Variants in SH2B3 observed in about 807,000 individuals in gnomAD.
SH2B3 encodes the protein SH2B adaptor protein 3.
Under a neutral mutation model 51.9 loss-of-function variants are expected in SH2B3, and 43 were observed. That is an observed-to-expected ratio of 0.83 (90% CI 0.65 to 1.07). The LOEUF (loss-of-function observed/expected upper bound fraction) is 1.07, where lower values mean the gene tolerates loss of function less well. Ranked by LOEUF, SH2B3 falls within the 50% of genes least tolerant of loss-of-function variation. SH2B3 has a pLI of 0.00. For synonymous variants in SH2B3, 396 were observed against 376.0 expected (o/e 1.05, Z -0.62); for missense variants, 952 against 834.3 (o/e 1.14, Z -1.74).
chr12:111,433,332 C>T (rs745847082), intron 2 of SH2B3, among the ~76,000 whole-genome samples: 1 of 152,044 alleles, frequency 6.6e-6, no homozygotes, highest in East Asian at 1.9e-4. Flanking sequence ...GCCTGGGAAA[C>T]AGAGAGAGAC....
intron 1 of SH2B3, among the ~76,000 whole-genome samples, chr12:111,416,784 G>A (rs922908304): frequency 4.6e-5 from 7 of 152,164 alleles, no homozygotes; most frequent in African/African-American, 9.7e-5. Context: ...ATGAGCCACC[G>A]CGCGTGGCTG....
Position 111,429,046 on chromosome 12 carries a change from G to GAGA in SH2B3, c.732+10170_732+10171insGAA, listed in dbSNP as rs1340427061. 1.0e-4 allele frequency among the ~76,000 whole-genome samples: 15 copies of GAGA among 146,412 alleles called. No individual in the cohort carries two copies. Among genetic ancestry groups the GAGA allele is most frequent in the Admixed American group, 2.2e-4 (3 of 13,938 alleles). On this transcript the variant is annotated intron_variant, in intron 2 of 7. Coordinates refer to ENST00000341259, the MANE Select transcript of SH2B3 (RefSeq NM_005475.3). This position sits in a 1 kb window ranked among gnomAD's most constrained non-coding sequence, Gnocchi z 4.4. ...GGAGGAGGAGGAGGAGGAGGAGGAG[G>GAGA]AAGAGGAGGAGGAGGAGGAGGAGGG...
In SH2B3 at chr12:111,418,132, C is replaced by T; in HGVS notation, c.-14C>T. 1.3e-6 allele frequency: 2 copies of T among 1,488,894 alleles called. No homozygotes were observed. Among genetic ancestry groups the T allele is most frequent in the Non-Finnish European group, 1.8e-6 (2 of 1,132,644 alleles). The allele number at this position is 1,488,894 out of a possible 1,614,324, so 92.2% of individuals were successfully genotyped here. ...CGTGTCTTTCAGCCCGGCCGCACCA[C>T]CTGGGTCTCCGCCATGAACGGGCCT... On this transcript the variant is annotated 5_prime_UTR_variant, in exon 2 of 8. Coordinates refer to ENST00000341259, the MANE Select transcript of SH2B3 (RefSeq NM_005475.3). This position sits in a 1 kb window ranked among gnomAD's most constrained non-coding sequence, Gnocchi z 6.7.
rs1871297996 is a variant in SH2B3, at chr12:111,418,703, C to T, written c.558C>T (p.Ser186=). The change falls in exon 2 of 8, where the codon AGC becomes AGT. Residue 186 remains serine (S), a synonymous_variant. Transcript: ENST00000341259. This position sits in a 1 kb window ranked among gnomAD's most constrained non-coding sequence, Gnocchi z 6.7. The stretch of plus-strand genomic sequence containing the variant: ...TGGCCAAGAAGTTCCTGCCCTGGAG[C>T]CTGGCCCGGGAGCCGCCACCCGAGG... ...PGLAKKFLPW[S]LAREPPPEAL... 3.4e-6 allele frequency: 5 copies of T among 1,486,672 alleles called. No homozygotes were observed. The highest frequency in any genetic ancestry group is 4.4e-6 in the Non-Finnish European group (5 of 1,125,992). The allele number at this position is 1,486,672 out of a possible 1,614,324, so 92.1% of individuals were successfully genotyped here.
chr12:111,440,634 T>G (rs900833465), intron 2 of SH2B3, among the ~76,000 whole-genome samples: 1 of 152,240 alleles, frequency 6.6e-6, no homozygotes, highest in Non-Finnish European at 1.5e-5. Flanking sequence ...TTCTGCCCTC[T>G]GGGTGTTGGC....
chr12:111,447,157 C>T lies in SH2B3; in HGVS notation c.959C>T (p.Pro320Leu), dbSNP rs200158288. Residue 320 changes from proline to leucine, a missense_variant, in exon 5 of 8, where the codon CCC becomes CTC. Pro to Leu is a moderately conservative substitution (Grantham distance 98, BLOSUM62 -3). Coordinates refer to ENST00000341259, the MANE Select transcript of SH2B3 (RefSeq NM_005475.3). ...LESTEAEMHIPSALEPSTSSS... is the reference protein window; with the variant it reads ...LESTEAEMHILSALEPSTSSS... ...AGCACAGAAGCAGAGATGCATATTC[C>T]CTCAGCCCTAGAGCCTAGCACGTCC... 6 of 1,614,084 alleles carry T rather than the reference C, an allele frequency of 3.7e-6. No individual in the cohort carries two copies. The highest frequency in any genetic ancestry group is 1.6e-4 in the Middle Eastern group (1 of 6,062).
intron 2 of SH2B3, among the ~76,000 whole-genome samples, chr12:111,424,523 C>G (rs1427114947): frequency 6.6e-6 from 1 of 152,156 alleles, no homozygotes; most frequent in African/African-American, 2.4e-5. Flanking sequence ...ATCAGATTCC[C>G]TAGGGCTTTT....
chr12:111,448,058 A>G lies in SH2B3; in HGVS notation c.1484A>G (p.Glu495Gly). 6.2e-7 allele frequency: 1 copy of G among 1,613,848 alleles called. No homozygotes were observed. Among genetic ancestry groups the G allele is most frequent in the Non-Finnish European group, 8.5e-7 (1 of 1,179,884 alleles). The change falls in exon 8 of 8, where the codon GAG (glutamate) becomes GGG (glycine). Residue 495 changes from glutamate (E) to glycine (G), a missense_variant. Coordinates refer to ENST00000341259, the MANE Select transcript of SH2B3 (RefSeq NM_005475.3). The part of the protein sequence containing the change: ...DSESLPHWGS[E>G]LGLPHLSSSG... The stretch of plus-strand genomic sequence containing the variant: ...GAGTCCCTTCCTCACTGGGGTTCAG[A>G]GTTGGGCCTTCCCCACCTTAGTTCT...
Position 111,418,180 on chromosome 12 carries a change from C to T in SH2B3, c.35C>T (p.Ser12Phe), listed in dbSNP as rs1261307883. Reference protein sequence around the residue: ...NGPALQPSSPSSAPSASPAAA... With the variant: ...NGPALQPSSPFSAPSASPAAA... ...CCTGCCCTGCAGCCCTCCTCGCCCTCTTCCGCGCCCTCAGCCTCCCCGGCG... is the reference window on the plus strand; with the variant it reads ...CCTGCCCTGCAGCCCTCCTCGCCCTTTTCCGCGCCCTCAGCCTCCCCGGCG... Residue 12 changes from serine to phenylalanine, a missense_variant, in exon 2 of 8, where the codon TCT (serine) becomes TTT (phenylalanine). Ser to Phe is a radical substitution (Grantham distance 155, BLOSUM62 -2). Coordinates refer to ENST00000341259, the MANE Select transcript of SH2B3 (RefSeq NM_005475.3). This position sits in a 1 kb window ranked among gnomAD's most constrained non-coding sequence, Gnocchi z 6.7. 2.6e-6 allele frequency: 4 copies of T among 1,561,042 alleles called. No homozygotes were observed. The Admixed American group carries it at 5.6e-5, about 22-fold the overall frequency.
At position 111,446,859 on chromosome 12, in the gene SH2B3, G is replaced by A. The variant is rs1235569519; in HGVS notation, c.834+5G>A. 1.4e-5 allele frequency: 23 copies of A among 1,605,052 alleles called. No homozygotes were observed. Among genetic ancestry groups the A allele is most frequent in the Non-Finnish European group, 1.9e-5 (22 of 1,172,912 alleles). ...CTTTACACCTTTGTGCTGAAGGTGAGTGACAAGGCTTTTCACACCCTGGGG... is the reference window on the plus strand; with the variant it reads ...CTTTACACCTTTGTGCTGAAGGTGAATGACAAGGCTTTTCACACCCTGGGG... On this transcript the variant is annotated splice_donor_5th_base_variant and intron_variant, in intron 3 of 7. Transcript: ENST00000341259.
At position 111,435,253 on chromosome 12, in the gene SH2B3, A is replaced by G. The variant is rs1872770522; in HGVS notation, c.733-11500A>G. Among the ~76,000 whole-genome samples the G allele has an allele frequency of 1.3e-5, 2 of 152,004 alleles. No homozygotes were observed. Among genetic ancestry groups the G allele is most frequent in the African/African-American group, 4.8e-5 (2 of 41,372 alleles). On this transcript the variant is annotated intron_variant, in intron 2 of 7. Transcript: ENST00000341259. This position sits in a 1 kb window ranked among gnomAD's most constrained non-coding sequence, Gnocchi z 4.8. ...GGGATGGGCCGTCGGTGCCCCATTC[A>G]AGCCTGGGGACCTGGCCCCACTGGT...
Position 111,418,664 on chromosome 12 carries a change from C to A in SH2B3, c.519C>A (p.Pro173=). 6.7e-7 allele frequency: 1 copy of A among 1,488,064 alleles called. No homozygotes were observed. The highest frequency in any genetic ancestry group is 8.9e-7 in the Non-Finnish European group (1 of 1,127,876). The allele number at this position is 1,488,064 out of a possible 1,614,324, so 92.2% of individuals were successfully genotyped here. A position where few individuals can be genotyped will look rare whatever the true frequency, so the allele number is the denominator to read the frequency against. ...PGTPGEAAET[P]ARPGLAKKFL... is the part of the protein sequence containing the mutation. ...CCCCCGGAGAGGCTGCTGAGACCCC[C>A]GCCCGGCCTGGCCTGGCCAAGAAGT... The change falls in exon 2 of 8, where the codon CCC becomes CCA. Residue 173 remains proline, a synonymous_variant. Transcript: ENST00000341259. The surrounding 1 kb of genome is among the most constrained non-coding windows in gnomAD (Gnocchi z 6.7).
intron 2 of SH2B3, among the ~76,000 whole-genome samples, chr12:111,440,895 C>T (rs536034719): frequency 8.5e-5 from 13 of 152,218 alleles, no homozygotes; most frequent in African/African-American, 2.7e-4. Flanking sequence ...GTGCTCCTCC[C>T]TGCCTTACCA....
chr12:111,439,444 C>G (rs999678380), intron 2 of SH2B3, among the ~76,000 whole-genome samples: 6 of 152,100 alleles, frequency 3.9e-5, no homozygotes, highest in African/African-American at 1.4e-4. Flanking sequence ...GCCACCGCAC[C>G]TGGCCTAATT....
At position 111,447,046 on chromosome 12, in the gene SH2B3, G is replaced by C; in HGVS notation, c.926+13G>C. On this transcript the variant is annotated intron_variant, in intron 4 of 7. Transcript: ENST00000341259. ...GCACAGGCCGAGGGTGAGGTCCTGG[G>C]CCCTCGTCCCTGGCACCACCTTTGC... 1 of 1,612,392 alleles carries C rather than the reference G, an allele frequency of 6.2e-7. No homozygotes were observed. The highest frequency in any genetic ancestry group is 1.1e-5 in the South Asian group (1 of 91,034).
At position 111,447,719 on chromosome 12, in the gene SH2B3, G is replaced by A. The variant is rs1874160939; in HGVS notation, c.1300G>A (p.Val434Ile). ...TGTGCAGCACCTCCACTTTCCCTCG[G>A]TCGTGGACATGCTCCACCACTTCCA... ...CRVQHLHFPS[V>I]VDMLHHFQRS... Residue 434 changes from valine to isoleucine, a missense_variant, in exon 7 of 8, where the codon GTC (valine) becomes ATC (isoleucine). By Grantham distance (29) the Val-to-Ile change is conservative (BLOSUM62 3). Transcript: ENST00000341259. 5.0e-6 allele frequency: 8 copies of A among 1,613,970 alleles called. No individual in the cohort carries two copies. The highest frequency in any genetic ancestry group is 5.1e-6 in the Non-Finnish European group (6 of 1,179,986).
In SH2B3 at chr12:111,418,170, T is replaced by G. The variant is rs1223479715; in HGVS notation, c.25T>G (p.Ser9Ala). Residue 9 changes from serine to alanine, a missense_variant, in exon 2 of 8, where the codon TCC becomes GCC. Ser to Ala is a moderately conservative substitution (Grantham distance 99). Coordinates refer to ENST00000341259, the MANE Select transcript of SH2B3 (RefSeq NM_005475.3). This position sits in a 1 kb window ranked among gnomAD's most constrained non-coding sequence, Gnocchi z 6.7. Reference sequence around the variant, plus strand: ...CATGAACGGGCCTGCCCTGCAGCCCTCCTCGCCCTCTTCCGCGCCCTCAGC... The same window carrying G: ...CATGAACGGGCCTGCCCTGCAGCCCGCCTCGCCCTCTTCCGCGCCCTCAGC... MNGPALQP[S>A]SPSSAPSASP... The G allele has an allele frequency of 4.5e-5, 70 of 1,549,646 alleles. No individual in the cohort carries two copies. Among genetic ancestry groups the G allele is most frequent in the Non-Finnish European group, 5.9e-5 (68 of 1,161,520 alleles).
At chr12:111,441,716 C>T (rs1028941532) in intron 2 of SH2B3, among the ~76,000 whole-genome samples, 9 of 152,156 alleles carry the variant, frequency 5.9e-5, no homozygotes, top group African/African-American at 2.2e-4. Flanking sequence ...TAATAGGTTT[C>T]TCTGCTGCAG....
chr12:111,415,634 T>G (rs1443753767), intron 1 of SH2B3, among the ~76,000 whole-genome samples: 3 of 150,664 alleles, frequency 2.0e-5, no homozygotes, highest in Non-Finnish European at 4.4e-5. Context: ...TTTTTTTTTT[T>G]TTTCCAGGAC....
Sources: gnomAD v4.1 joint callset for allele counts (sites outside exome capture counted in the v4.1 genomes callset) on GRCh38, gnomAD v4.1.1 for gene constraint, Gnocchi (gnomAD v3.1) non-coding constraint, MANE v1.5 for transcripts, NCBI Gene and HGNC (gene_info 2026-07-23, HGNC 2026-07-21) for gene names.